The following CACNA1E variants were observed in gnomAD, a reference collection of about 807,000 sequenced individuals.
CACNA1E encodes voltage-dependent R-type calcium channel subunit alpha-1E.
Under a neutral mutation model 259.2 loss-of-function variants are expected in CACNA1E, and 40 were observed. The observed-to-expected ratio is 0.15, with a 90% CI of 0.12 to 0.20. The LOEUF is 0.20. Ranked by LOEUF, CACNA1E falls within the 10% of genes least tolerant of loss-of-function variation. The probability of loss-of-function intolerance (pLI) is 1.00; values close to 1 mark genes in which losing one functional copy is unlikely to be tolerated. For missense variants in CACNA1E, 1,874 were observed against 3,040.1 expected (o/e 0.62, Z 9.02); for synonymous variants, 1,104 against 1,138.5 (o/e 0.97, Z 0.61).
Position 181,483,852 on chromosome 1 carries a change from GGCC to G in CACNA1E, c.112_114del (p.Ala38del). 1 of 1,613,690 alleles carries G rather than the reference GGCC, an allele frequency of 6.2e-7. No homozygotes were observed. Among genetic ancestry groups the G allele is most frequent in the East Asian group, 2.2e-5 (1 of 44,824 alleles). On this transcript the variant is annotated inframe_deletion, in exon 1 of 48. Coordinates refer to ENST00000367573, the MANE Select transcript of CACNA1E (RefSeq NM_001205293.3). ...CCCCCGTGCCGGCCTCGGGGCAGGC[GGCC>G]GCCTACAAGCAGACGAAAGCACAGA...
chr1:181,582,080 AG>A (rs1227182040), intron 6 of CACNA1E, among the ~76,000 whole-genome samples: 3 of 152,210 alleles, frequency 2.0e-5, no homozygotes, highest in African/African-American at 7.2e-5. Flanking sequence ...TGTAAAAGGA[AG>A]TACTTAGTAG....
rs1572144475 is a variant in CACNA1E at position 181,539,548 on chromosome 1, T to C, written c.512+28038T>C. 5.9e-5 allele frequency among the ~76,000 whole-genome samples: 9 copies of C among 152,308 alleles called. No individual in the cohort carries two copies. In the South Asian group the frequency reaches 1.2e-3, roughly 21 times the overall value. On this transcript the variant is annotated intron_variant, in intron 3 of 47. Coordinates refer to ENST00000367573, the MANE Select transcript of CACNA1E (RefSeq NM_001205293.3). ...CACCTTCATGGGAGGAAGAATATAT[T>C]ATTCCCGGTCTGCTTACCCCTTCTC...
At chr1:181,638,527 A>C (rs1657444175) in intron 6 of CACNA1E, among the ~76,000 whole-genome samples, 1 of 152,104 alleles carries the variant, frequency 6.6e-6, no homozygotes, top group Non-Finnish European at 1.5e-5. Flanking sequence ...CCAGCTTCAC[A>C]TGCTTATTGT....
chr1:181,491,270 A>T lies in CACNA1E; in HGVS notation c.266+7260A>T, dbSNP rs145872115. ...TTTAGTTCCTTTGTGTTGATGTCAG[A>T]CATAGGCGGTCTGCCCGTTTCATCT... On this transcript the variant is annotated intron_variant, in intron 1 of 47. Coordinates refer to ENST00000367573, the MANE Select transcript of CACNA1E (RefSeq NM_001205293.3). 6.4e-4 allele frequency among the ~76,000 whole-genome samples: 97 copies of T among 151,724 alleles called. 1 individual carries two copies. In the East Asian group the frequency reaches 0.018, roughly 28 times the overall value.
At chr1:181,574,605 A>C (rs2102952921) in intron 3 of CACNA1E, among the ~76,000 whole-genome samples, 1 of 152,350 alleles carries the variant, frequency 6.6e-6, no homozygotes, top group East Asian at 1.9e-4. Context: ...GAAGTGTTTC[A>C]GATTTAGTGG....
chr1:181,553,520 C>T (rs541559165), intron 3 of CACNA1E, among the ~76,000 whole-genome samples: 2 of 152,234 alleles, frequency 1.3e-5, no homozygotes, highest in African/African-American at 2.4e-5. Flanking sequence ...ATTGCCCTGG[C>T]CAGAACTTCC....
rs72731287 is a variant in CACNA1E, at chr1:181,559,917, T to G, written c.513-17849T>G. Among the ~76,000 whole-genome samples the G allele has an allele frequency of 3.9e-3, 597 of 152,328 alleles. 5 individuals are homozygous for G. The highest frequency in any genetic ancestry group is 4.1e-3 in the Non-Finnish European group (277 of 68,034). ...CGTGGGATGCAGAGCATCGACATTC[T>G]TCTGCAATGTGAGAAAAAGGGTCAC... On this transcript the variant is annotated intron_variant, in intron 3 of 47. Transcript: ENST00000367573.
At chr1:181,746,001 A>G (rs1657046590) in intron 25 of CACNA1E, among the ~76,000 whole-genome samples, 1 of 152,182 alleles carries the variant, frequency 6.6e-6, no homozygotes, top group Non-Finnish European at 1.5e-5. Flanking sequence ...GTTGAGGTCC[A>G]TGTGCAAGAG....
At chr1:181,477,948 T>C (rs994812389) in intron 2 of CACNA1E, among the ~76,000 whole-genome samples, 2 of 152,226 alleles carry the variant, frequency 1.3e-5, no homozygotes, top group Non-Finnish European at 2.9e-5. Flanking sequence ...AGGTCATGCC[T>C]TACCTCTCTA....
chr1:181,773,476 A>G (rs1287823641), intron 37 of CACNA1E, among the ~76,000 whole-genome samples: 1 of 152,238 alleles, frequency 6.6e-6, no homozygotes, highest in Non-Finnish European at 1.5e-5. Flanking sequence ...AAGGTTTTTC[A>G]GTAAAAAGAA....
chr1:181,688,200 A>T lies in CACNA1E; in HGVS notation c.1056-22754A>T, dbSNP rs376530135. Among the ~76,000 whole-genome samples, 16 of 152,328 alleles carry T rather than the reference A, an allele frequency of 1.1e-4. No homozygotes were observed. In the East Asian group the frequency reaches 2.1e-3, roughly 20 times the overall value. ...AACTCTCGCCCTCCCACTCAAGGGT[A>T]GTATTTATTATCCCTTTGCTTATCA... is the stretch of plus-strand genomic sequence containing the variant. On this transcript the variant is annotated intron_variant, in intron 7 of 47. Coordinates refer to ENST00000367573, the MANE Select transcript of CACNA1E (RefSeq NM_001205293.3).
intron 35 of CACNA1E, among the ~76,000 whole-genome samples, chr1:181,768,717 A>T (rs1385303264): frequency 6.6e-6 from 1 of 152,218 alleles, no homozygotes; most frequent in Non-Finnish European, 1.5e-5. Context: ...TTCCACAGAG[A>T]CATGAATGAC....
chr1:181,625,150 GT>G (rs1461064226), intron 6 of CACNA1E, among the ~76,000 whole-genome samples: 1 of 143,950 alleles, frequency 6.9e-6, no homozygotes, highest in Non-Finnish European at 1.5e-5. Flanking sequence ...AGGCTTTGTT[GT>G]TTCATTTATA....
intron 3 of CACNA1E, among the ~76,000 whole-genome samples, chr1:181,557,637 T>C (rs1378971355): frequency 6.6e-6 from 1 of 152,190 alleles, no homozygotes; most frequent in East Asian, 1.9e-4. Flanking sequence ...CTTGCTTTGC[T>C]CCCTTGGCCC....
intron 2 of CACNA1E, among the ~76,000 whole-genome samples, chr1:181,442,268 G>GTGCATAGGTATGAGA (rs1660537196): frequency 6.6e-6 from 1 of 151,542 alleles, no homozygotes; most frequent in African/African-American, 2.4e-5. Context: ...CAGGTATGAG[G>GTGCATAGGTATGAGA]GACACAGGTA....
chr1:181,624,065 G>A (rs974675791), intron 6 of CACNA1E, among the ~76,000 whole-genome samples: 2 of 152,208 alleles, frequency 1.3e-5, no homozygotes, highest in African/African-American at 4.8e-5. Flanking sequence ...GCGAAGGGGA[G>A]CCTGCCACAT....
intron 6 of CACNA1E, among the ~76,000 whole-genome samples, chr1:181,630,140 T>C (rs1251217826): frequency 6.6e-6 from 1 of 152,156 alleles, no homozygotes; most frequent in African/African-American, 2.4e-5. Context: ...TGGGGGCAAG[T>C]AACTTTTTCT....
Position 181,437,413 on chromosome 1 carries a change from G to A in CACNA1E, c.434+23833G>A, listed in dbSNP as rs557811129. 1.4e-3 allele frequency among the ~76,000 whole-genome samples: 218 copies of A among 151,972 alleles called. No homozygotes were observed. In the Middle Eastern group the frequency reaches 0.034, roughly 24 times the overall value. On this transcript the variant is annotated intron_variant, in intron 2 of 11. Coordinates refer to the CACNA1E transcript ENST00000524607. The stretch of plus-strand genomic sequence containing the variant: ...TACCTCATACGCCTCTTTATCCTCG[G>A]TCCCATTTCTCTGCTCTCCTGTATA...
chr1:181,769,692 G>C (rs920810966), intron 35 of CACNA1E, among the ~76,000 whole-genome samples: 1 of 152,134 alleles, frequency 6.6e-6, no homozygotes, highest in Admixed American at 6.5e-5. Context: ...GATTGGATGA[G>C]GTGTTTGAGA....
Sources: allele counts gnomAD v4.1 joint callset (sites outside exome capture counted in the v4.1 genomes callset), GRCh38; gene constraint gnomAD v4.1.1; transcripts MANE v1.5; gene names NCBI Gene and HGNC (gene_info 2026-07-23, HGNC 2026-07-21).